The following PNPLA7 variants were observed in gnomAD, a reference collection of about 807,000 sequenced individuals.
PNPLA7 encodes patatin like domain 7, lysophospholipase.
Under a neutral mutation model 161.7 loss-of-function variants are expected in PNPLA7, and 153 were observed. That is an observed-to-expected ratio of 0.95 (90% CI 0.83 to 1.08). PNPLA7 has a LOEUF of 1.08. PNPLA7 is among the 50% of genes least tolerant of loss of function. PNPLA7 has a pLI of 0.00. For missense variants in PNPLA7, 1,739 were observed against 1,856.6 expected (o/e 0.94, Z 1.16); for synonymous variants, 809 against 782.1 (o/e 1.03, Z -0.57).
chr9:137,544,021 C>T (rs1164149010), intron 4 of PNPLA7, among the ~76,000 whole-genome samples: 1 of 152,164 alleles, frequency 6.6e-6, no homozygotes, highest in Non-Finnish European at 1.5e-5. Flanking sequence ...TCCTTGGGAT[C>T]GTCCTCACTG....
Position 137,484,572 on chromosome 9 carries a change from G to A in PNPLA7, c.2347+15C>T, listed in dbSNP as rs1409594268. The A allele has an allele frequency of 3.2e-6, 5 of 1,577,450 alleles. No homozygotes were observed. The highest frequency in any genetic ancestry group is 2.3e-5 in the East Asian group (1 of 43,990). On this transcript the variant is annotated intron_variant, in intron 21 of 34. Coordinates refer to ENST00000406427, the MANE Select transcript of PNPLA7 (RefSeq NM_001098537.3). The stretch of plus-strand genomic sequence containing the variant: ...GAACCCAAGGATGGCTGGAGGCTGG[G>A]AGGCTCAGGCTTACCGATGGCGCTG...
rs1055544226 is a variant in PNPLA7, at chr9:137,520,775, T to C, written c.958-732A>G. 6.6e-6 allele frequency among the ~76,000 whole-genome samples: 1 copy of C among 151,138 alleles called. No individual in the cohort carries two copies. The highest frequency in any genetic ancestry group is 1.5e-5 in the Non-Finnish European group (1 of 67,812). On this transcript the variant is annotated intron_variant, in intron 10 of 34. Coordinates refer to ENST00000406427, the MANE Select transcript of PNPLA7 (RefSeq NM_001098537.3). The surrounding 1 kb of genome is among the most constrained non-coding windows in gnomAD (Gnocchi z 5.2). ...CCGCCAGGAGGAGGGAGAGCCGGGGTTGACAGCCTTGTGCCCTTGACAATG... is the reference window on the plus strand; with the variant it reads ...CCGCCAGGAGGAGGGAGAGCCGGGGCTGACAGCCTTGTGCCCTTGACAATG...
rs1035310846 is a variant in PNPLA7, at chr9:137,537,910, A to G, written c.747+2732T>C. Among the ~76,000 whole-genome samples, 6 of 152,228 alleles carry G rather than the reference A, an allele frequency of 3.9e-5. No individual in the cohort carries two copies. The highest frequency in any genetic ancestry group is 1.4e-4 in the African/African-American group (6 of 41,456). On this transcript the variant is annotated intron_variant, in intron 8 of 34. Coordinates refer to ENST00000406427, the MANE Select transcript of PNPLA7 (RefSeq NM_001098537.3). The surrounding 1 kb of genome is among the most constrained non-coding windows in gnomAD (Gnocchi z 4.5). ...TAAAGAGAAACGAATCATCCAAGGTAGGTCGCATACAGATGCCCCGTGCTG... is the reference window on the plus strand; with the variant it reads ...TAAAGAGAAACGAATCATCCAAGGTGGGTCGCATACAGATGCCCCGTGCTG...
At chr9:137,465,503 A>G (rs116363280) in intron 26 of PNPLA7, among the ~76,000 whole-genome samples, 5 of 152,190 alleles carry the variant, frequency 3.3e-5, no homozygotes, top group Admixed American at 6.5e-5. Context: ...ACCTCTGCCC[A>G]TGGCGGGTTC....
Position 137,505,803 on chromosome 9 carries a change from T to C in PNPLA7, c.1327-43A>G, listed in dbSNP as rs758493461. On this transcript the variant is annotated intron_variant, in intron 13 of 34. Transcript: ENST00000406427. ...TACCGGCAATTCGAAGGGATGTGGT[T>C]GGGGAACATCGCACAAGGGTGTGGT... is the stretch of plus-strand genomic sequence containing the variant. 5 of 1,608,524 alleles carry C rather than the reference T, an allele frequency of 3.1e-6. No homozygotes were observed. In the Admixed American group the frequency reaches 6.7e-5, roughly 21 times the overall value.
chr9:137,542,546 C>G (rs1363569047), intron 7 of PNPLA7, 96 bp downstream of exon 7: 1 of 1,332,062 alleles, frequency 7.5e-7, no homozygotes, highest in Non-Finnish European at 9.8e-7. Flanking sequence ...AAAATTTTGC[C>G]TAGCTTTTCA....
chr9:137,478,149 C>T lies in PNPLA7; in HGVS notation c.2767G>A (p.Glu923Lys). Residue 923 changes from glutamate to lysine, a missense_variant, in exon 25 of 35, where the codon GAG (glutamate) becomes AAG (lysine). This residue lies in a region of PNPLA7 where 703 missense variants were observed against 694.6 expected (regional missense o/e 1.01). Transcript: ENST00000406427. ...FSRRSLPKLV[E>K]MYKHVFQRPP... The stretch of plus-strand genomic sequence containing the variant: ...CGCTGGAAGACATGCTTGTACATCT[C>T]CACCTGGGGGAGGAGCCGTCAGGCA... The T allele has an allele frequency of 7.7e-7, 1 of 1,299,460 alleles. No homozygotes were observed. Among genetic ancestry groups the T allele is most frequent in the Non-Finnish European group, 9.9e-7 (1 of 1,014,062 alleles). 80.5% of individuals were successfully genotyped at this position (1,299,460 alleles called of 1,614,324 possible). A position where few individuals can be genotyped will look rare whatever the true frequency, so the allele number is the denominator to read the frequency against.
chr9:137,504,900 T>C (rs1833828598), intron 14 of PNPLA7, among the ~76,000 whole-genome samples: 1 of 152,134 alleles, frequency 6.6e-6, no homozygotes, highest in Non-Finnish European at 1.5e-5. Context: ...ATTTAAAGCT[T>C]TCCATCAGCC....
chr9:137,466,403 T>A (rs1160884993), intron 26 of PNPLA7, among the ~76,000 whole-genome samples: 32 of 120,380 alleles, frequency 2.7e-4, no homozygotes, highest in East Asian at 1.4e-3. Flanking sequence ...ATCTCCACCA[T>A]CTCAGACCCG....
intron 18 of PNPLA7, among the ~76,000 whole-genome samples, chr9:137,496,123 G>A (rs1393301387): frequency 8.1e-5 from 12 of 148,024 alleles, no homozygotes; most frequent in East Asian, 2.1e-4. Flanking sequence ...TTTTTCAGAC[G>A]GAGTTTAGTT....
At chr9:137,473,384 G>A (rs756544881) in intron 25 of PNPLA7, among the ~76,000 whole-genome samples, 1 of 152,160 alleles carries the variant, frequency 6.6e-6, no homozygotes, top group African/African-American at 2.4e-5. Flanking sequence ...TCTAGAAGAA[G>A]ATGAAGAGTA....
intron 12 of PNPLA7, 141 bp from the exon 13 acceptor site, chr9:137,506,224 C>A: frequency 1.6e-6 from 1 of 638,952 alleles, no homozygotes; most frequent in Non-Finnish European, 2.8e-6. Flanking sequence ...GAGATCCCTC[C>A]ACACCCTGCT....
chr9:137,512,617 G>A (rs764041680), intron 12 of PNPLA7, among the ~76,000 whole-genome samples: 24 of 152,148 alleles, frequency 1.6e-4, no homozygotes, highest in Non-Finnish European at 2.2e-4. Context: ...TCCTGCATGC[G>A]CATTATACAA....
chr9:137,542,008 G>A (rs767656290), intron 7 of PNPLA7, among the ~76,000 whole-genome samples: 9 of 152,116 alleles, frequency 5.9e-5, no homozygotes, highest in African/African-American at 9.7e-5. Flanking sequence ...TCTCTAAGCC[G>A]TGGGCTCAGG....
intron 22 of PNPLA7, 187 bp from the exon 23 acceptor site, chr9:137,480,667 C>T (rs1199111805): frequency 6.6e-6 from 5 of 752,474 alleles, no homozygotes; most frequent in African/African-American, 1.8e-5. Context: ...GCAGAGGCTG[C>T]AGTTAAGCCC....
At chr9:137,533,449 G>A (rs1001564950) in intron 8 of PNPLA7, among the ~76,000 whole-genome samples, 2 of 149,342 alleles carry the variant, frequency 1.3e-5, no homozygotes, top group African/African-American at 5.0e-5. Context: ...CTCCAGGCGG[G>A]AGGACTCCCA....
chr9:137,506,999 G>T (rs1236999388), intron 12 of PNPLA7, among the ~76,000 whole-genome samples: 1 of 152,256 alleles, frequency 6.6e-6, no homozygotes, highest in Non-Finnish European at 1.5e-5. Context: ...GCCACATGGC[G>T]CTGCGGGAAG....
At chr9:137,463,354 G>C in intron 29 of PNPLA7, 61 bp downstream of exon 29, 2 of 1,429,066 alleles carry the variant, frequency 1.4e-6, no homozygotes, top group East Asian at 4.9e-5. Flanking sequence ...GGCAGGGGCC[G>C]TGGGGCGGCG....
Position 137,464,181 on chromosome 9 carries a change from A to G in PNPLA7, c.3171T>C (p.Pro1057=), listed in dbSNP as rs1831356740. ...TGATGTCGGTGGTGATGGCGAAATA[A>G]GGAATCCACAGGTCCTGCGGGCGGA... ...KDQQIEDLWI[P]YFAITTDITA... The change falls in exon 28 of 35, where the codon CCT becomes CCC. Residue 1057 remains proline (P), a synonymous_variant. Transcript: ENST00000406427. 1.9e-6 allele frequency: 3 copies of G among 1,613,856 alleles called. No homozygotes were observed. Among genetic ancestry groups the G allele is most frequent in the South Asian group, 1.1e-5 (1 of 91,070 alleles).
Sources: allele counts gnomAD v4.1 joint callset (sites outside exome capture counted in the v4.1 genomes callset), GRCh38; gene constraint gnomAD v4.1.1; regional missense constraint gnomAD v4.1.1; non-coding constraint Gnocchi (gnomAD v3.1); transcripts MANE v1.5; gene names NCBI Gene and HGNC (gene_info 2026-07-23, HGNC 2026-07-21).